Variants in ANXA8 observed in about 807,000 individuals in gnomAD.
ANXA8 encodes the protein annexin A8.
A neutral mutation model predicts 26.8 loss-of-function variants in ANXA8; 9 were observed. That is an observed-to-expected ratio of 0.34 (90% CI 0.20 to 0.59). ANXA8 has a LOEUF of 0.59. Among genes scored for constraint, ANXA8 ranks in the 20% least tolerant of loss-of-function variants. ANXA8 has a pLI of 0.84. For synonymous variants in ANXA8, 39 were observed against 94.8 expected (o/e 0.41, Z 3.42); for missense variants, 83 against 238.5 (o/e 0.35, Z 4.29).
the ANXA8 span, among the ~76,000 whole-genome samples, chr10:47,657,055 T>G: frequency 6.8e-6 from 1 of 146,952 alleles, no homozygotes; most frequent in South Asian, 2.1e-4. Flanking sequence ...TTTATTTTTC[T>G]ATTTGAGAGC....
At chr10:47,981,229 A>C in the ANXA8 span, among the ~76,000 whole-genome samples, 1 of 151,276 alleles carries the variant, frequency 6.6e-6, no homozygotes, top group Non-Finnish European at 1.5e-5. Flanking sequence ...TGCAGAAAAA[A>C]CATTTGACAA....
chr10:47,955,311 T>C, the ANXA8 span, among the ~76,000 whole-genome samples: 1 of 150,678 alleles, frequency 6.6e-6, no homozygotes, highest in South Asian at 2.1e-4. Context: ...GTCTTGGGTA[T>C]GTCTCTATCA....
chr10:47,510,829 CAAA>C, the ANXA8 span, among the ~76,000 whole-genome samples: 1 of 27,344 alleles, frequency 3.7e-5, no homozygotes, highest in Non-Finnish European at 6.3e-5. Flanking sequence ...GACTCCGTCT[CAAA>C]AAAAAAAAAA....
the ANXA8 span, among the ~76,000 whole-genome samples, chr10:47,599,317 A>T: frequency 7.0e-6 from 1 of 142,178 alleles, no homozygotes; most frequent in Non-Finnish European, 1.5e-5. Flanking sequence ...ACTTTATTTA[A>T]CATCTTTGGG....
the ANXA8 span, among the ~76,000 whole-genome samples, chr10:47,495,230 A>G: frequency 2.0e-5 from 3 of 147,518 alleles, no homozygotes; most frequent in African/African-American, 7.5e-5. Context: ...ACTCTGCGGG[A>G]TTTCTGGGTC....
At chr10:47,583,734 T>G in the ANXA8 span, among the ~76,000 whole-genome samples, 1 of 147,104 alleles carries the variant, frequency 6.8e-6, no homozygotes, top group Non-Finnish European at 1.5e-5. Flanking sequence ...TGCTTTTCCC[T>G]TAGGCCTAGA....
At chr10:47,755,413 A>G in the ANXA8 span, among the ~76,000 whole-genome samples, 40 of 151,632 alleles carry the variant, frequency 2.6e-4, no homozygotes, top group African/African-American at 8.7e-4. Context: ...CAGCCACCAC[A>G]CCCAGCTAAT....
the ANXA8 span, among the ~76,000 whole-genome samples, chr10:47,666,017 T>G: frequency 6.6e-6 from 1 of 151,660 alleles, no homozygotes; most frequent in Non-Finnish European, 1.5e-5. Flanking sequence ...GAAAGATTGA[T>G]TACGGCAACT....
At chr10:47,622,280 C>G in the ANXA8 span, among the ~76,000 whole-genome samples, 1,337 of 111,416 alleles carry the variant, frequency 0.012, 262 homozygotes, top group Non-Finnish European at 0.019. Context: ...CCCTGACCTG[C>G]AGTAGTCAAA....
At chr10:47,688,234 T>C in the ANXA8 span, among the ~76,000 whole-genome samples, 1 of 148,570 alleles carries the variant, frequency 6.7e-6, no homozygotes, top group South Asian at 2.2e-4. Flanking sequence ...GCTGGGACTA[T>C]AGGTGTTCCA....
At chr10:47,985,426 T>TA in the ANXA8 span, 5 of 129,242 alleles carry the variant, frequency 3.9e-5, no homozygotes, top group Admixed American at 2.4e-4. Flanking sequence ...AACATGCACT[T>TA]ACCATATTAC....
upstream of ANXA8, chr10:47,484,140 G>T (rs1282548420): frequency 1.9e-5 from 24 of 1,250,264 alleles, no homozygotes; most frequent in Non-Finnish European, 2.5e-5. Context: ...ATCTCCTGTG[G>T]CTCCCAGGCC....
chr10:47,977,657 G>A, the ANXA8 span, among the ~76,000 whole-genome samples: 1 of 151,288 alleles, frequency 6.6e-6, no homozygotes, highest in African/African-American at 2.4e-5. Context: ...TAAAATTCTG[G>A]GTTGAAAGTG....
At chr10:47,620,878 A>G in the ANXA8 span, among the ~76,000 whole-genome samples, 1 of 109,468 alleles carries the variant, frequency 9.1e-6, no homozygotes, top group African/African-American at 3.6e-5. Context: ...CCTAGACACT[A>G]CATTTTCTAG....
chr10:47,768,370 T>G, the ANXA8 span, among the ~76,000 whole-genome samples: 1 of 151,494 alleles, frequency 6.6e-6, no homozygotes. Flanking sequence ...TTTTGATGTA[T>G]TAATATGCTA....
chr10:47,501,670 C>G, the ANXA8 span, among the ~76,000 whole-genome samples: 1 of 141,058 alleles, frequency 7.1e-6, no homozygotes, highest in Non-Finnish European at 1.5e-5. Flanking sequence ...TATCATGCCA[C>G]TGCACTCCAG....
At chr10:47,712,799 TTTTG>T in the ANXA8 span, among the ~76,000 whole-genome samples, 2 of 69,334 alleles carry the variant, frequency 2.9e-5, no homozygotes, top group African/African-American at 1.5e-4. Flanking sequence ...CACTTTTTTT[TTTTG>T]TTTGTTTGAG....
At chr10:47,733,209 CT>C in the ANXA8 span, among the ~76,000 whole-genome samples, 4 of 64,032 alleles carry the variant, frequency 6.2e-5, no homozygotes, top group East Asian at 1.6e-3. Context: ...TTCTTTCTTT[CT>C]TTCTTTCTTT....
chr10:47,485,468 A>C (rs1194863053), upstream of ANXA8, among the ~76,000 whole-genome samples: 15 of 152,150 alleles, frequency 9.9e-5, no homozygotes, highest in East Asian at 2.9e-3. Flanking sequence ...GGAAAGTGGC[A>C]AGCGTTCCAA....
Sources: allele counts gnomAD v4.1 joint callset (sites outside exome capture counted in the v4.1 genomes callset), GRCh38; gene constraint gnomAD v4.1.1; transcripts MANE v1.5; gene names NCBI Gene and HGNC (gene_info 2026-07-23, HGNC 2026-07-21).